The following EIF4ENIF1 variants were observed in gnomAD, a reference collection of about 807,000 sequenced individuals.
EIF4ENIF1 encodes the protein eukaryotic translation initiation factor 4E nuclear import factor 1.
In EIF4ENIF1, 23 loss-of-function variants were observed where a neutral mutation model predicts 110.5. That is an observed-to-expected ratio of 0.21 (90% CI 0.15 to 0.29). The LOEUF (loss-of-function observed/expected upper bound fraction) is 0.29. Among genes scored for constraint, EIF4ENIF1 ranks in the 10% least tolerant of loss-of-function variants. The pLI, the probability that EIF4ENIF1 is intolerant of heterozygous loss-of-function variation, is 1.00. For synonymous variants in EIF4ENIF1, 440 were observed against 437.0 expected (o/e 1.01, Z -0.09); for missense variants, 1,031 against 1,221.1 (o/e 0.84, Z 2.32).
chr22:31,455,721 C>T, intron 8 of EIF4ENIF1, 131 bp downstream of exon 8: 4 of 1,244,774 alleles, frequency 3.2e-6, no homozygotes, highest in Admixed American at 4.6e-5. Flanking sequence ...TAAAAGGACA[C>T]AAATTGAAGG....
intron 16 of EIF4ENIF1, among the ~76,000 whole-genome samples, chr22:31,442,590 G>A (rs544760440): frequency 9.2e-5 from 14 of 152,174 alleles, no homozygotes; most frequent in African/African-American, 3.4e-4. Context: ...TTTCTATGTT[G>A]GACACTTAAG....
chr22:31,441,745 A>G, intron 17 of EIF4ENIF1, 29 bp downstream of exon 17: 1 of 1,573,758 alleles, frequency 6.4e-7, no homozygotes, highest in Non-Finnish European at 8.7e-7. Flanking sequence ...CCACAAACTG[A>G]CGACACCCAA....
chr22:31,478,700 C>T (rs1311826074), intron 2 of EIF4ENIF1, among the ~76,000 whole-genome samples: 1 of 151,634 alleles, frequency 6.6e-6, no homozygotes, highest in African/African-American at 2.4e-5. Flanking sequence ...GCCTGTAATC[C>T]CAGCACTTTG....
Position 31,448,218 on chromosome 22 carries a change from G to T in EIF4ENIF1, c.1783C>A (p.Pro595Thr). ...AATGGATCTCCGAGTAGCTGCTGTGGTCCTGGTGTGAAACCTGTCGGGAAA... is the reference window on the plus strand; with the variant it reads ...AATGGATCTCCGAGTAGCTGCTGTGTTCCTGGTGTGAAACCTGTCGGGAAA... ...IPSPIGFTPG[P>T]QQLLGDPFQG... The change falls in exon 13 of 19, where the codon CCA becomes ACA. Residue 595 changes from proline to threonine, a missense_variant. Pro to Thr is a conservative substitution (Grantham distance 38, BLOSUM62 -1). Coordinates refer to ENST00000330125, the MANE Select transcript of EIF4ENIF1 (RefSeq NM_019843.4). 6.2e-7 allele frequency: 1 copy of T among 1,614,172 alleles called. No homozygotes were observed. Among genetic ancestry groups the T allele is most frequent in the South Asian group, 1.1e-5 (1 of 91,090 alleles).
intron 3 of EIF4ENIF1, among the ~76,000 whole-genome samples, chr22:31,471,126 C>G (rs558629636): frequency 1.3e-5 from 2 of 151,902 alleles, no homozygotes; most frequent in East Asian, 3.9e-4. Flanking sequence ...CAAACCAAAG[C>G]CTTCTTCTTC....
At chr22:31,447,768 C>T (rs764648892) in intron 13 of EIF4ENIF1, among the ~76,000 whole-genome samples, 1 of 152,204 alleles carries the variant, frequency 6.6e-6, no homozygotes, top group Non-Finnish European at 1.5e-5. Flanking sequence ...AATTGTCTAA[C>T]CTTCACTGAG....
intron 2 of EIF4ENIF1, among the ~76,000 whole-genome samples, chr22:31,488,029 CT>C (rs1413918229): frequency 1.1e-4 from 16 of 152,098 alleles, no homozygotes; most frequent in African/African-American, 3.6e-4. Flanking sequence ...GATGCAAGAT[CT>C]TTAATAAATA....
At chr22:31,446,417 G>T (rs1051722271) in intron 14 of EIF4ENIF1, among the ~76,000 whole-genome samples, 1 of 152,078 alleles carries the variant, frequency 6.6e-6, no homozygotes, top group Non-Finnish European at 1.5e-5. Flanking sequence ...TCTCTGTTTC[G>T]GTGGAAGGGT....
chr22:31,459,837 T>C (rs1283916572), intron 6 of EIF4ENIF1, among the ~76,000 whole-genome samples: 1 of 152,218 alleles, frequency 6.6e-6, no homozygotes, highest in Admixed American at 6.5e-5. Context: ...GACCCCTGGA[T>C]TCTACTCCAG....
rs1401064263 is a variant in EIF4ENIF1 at position 31,440,882 on chromosome 22, A to G, written c.2552-14T>C. Reference sequence around the variant, plus strand: ...GAGGAAGCACACCTGTTGAGCAGAAAAAGCAAGCAGCTGAGTAGTCTTAAT... The same window carrying G: ...GAGGAAGCACACCTGTTGAGCAGAAGAAGCAAGCAGCTGAGTAGTCTTAAT... On this transcript the variant is annotated splice_polypyrimidine_tract_variant and intron_variant, in intron 17 of 18. Transcript: ENST00000330125. The G allele has an allele frequency of 2.5e-6, 4 of 1,613,702 alleles. No homozygotes were observed. The highest frequency in any genetic ancestry group is 3.4e-6 in the Non-Finnish European group (4 of 1,179,784).
In EIF4ENIF1 at chr22:31,440,081, G is replaced by C; in HGVS notation, c.2757C>G (p.Val919=). The change falls in exon 19 of 19, where the codon GTC becomes GTG. Residue 919 remains valine, a synonymous_variant. Transcript: ENST00000330125. Reference sequence around the variant, plus strand: ...CGTTCTGAGGGGTTGTCTGAACGCTGACAGCTGCTGCATGGGAACCAGAGC... The same window carrying C: ...CGTTCTGAGGGGTTGTCTGAACGCTCACAGCTGCTGCATGGGAACCAGAGC... ...PPGSGSHAAA[V]SVQTTPQNVP... The C allele has an allele frequency of 6.2e-7, 1 of 1,614,154 alleles. No individual in the cohort carries two copies. Among genetic ancestry groups the C allele is most frequent in the Non-Finnish European group, 8.5e-7 (1 of 1,180,004 alleles).
At chr22:31,478,742 G>A (rs1276749055) in intron 2 of EIF4ENIF1, among the ~76,000 whole-genome samples, 3 of 151,724 alleles carry the variant, frequency 2.0e-5, no homozygotes, top group Non-Finnish European at 4.4e-5. Context: ...ATGAGGTCAG[G>A]AGATCGAGAC....
At chr22:31,455,806 A>G in intron 8 of EIF4ENIF1, 46 bp downstream of exon 8, 1 of 1,610,372 alleles carries the variant, frequency 6.2e-7, no homozygotes, top group Non-Finnish European at 8.5e-7. Context: ...CATATCAGGG[A>G]AAAACCCAGG....
At chr22:31,443,844 G>A (rs2050380072) in intron 15 of EIF4ENIF1, among the ~76,000 whole-genome samples, 1 of 150,396 alleles carries the variant, frequency 6.6e-6, no homozygotes, top group Non-Finnish European at 1.5e-5. Context: ...ACTCACTAGG[G>A]AGGGCAGTGG....
chr22:31,492,959 T>C (rs1187676663), upstream of EIF4ENIF1, among the ~76,000 whole-genome samples: 1 of 151,942 alleles, frequency 6.6e-6, no homozygotes, highest in Non-Finnish European at 1.5e-5. Flanking sequence ...CTCAAACTCC[T>C]GACCTCATGA....
downstream of EIF4ENIF1, among the ~76,000 whole-genome samples, chr22:31,438,257 G>A (rs1352105722): frequency 6.6e-6 from 1 of 152,090 alleles, no homozygotes; most frequent in Non-Finnish European, 1.5e-5. Context: ...CCTCATAGCA[G>A]GACTGAAAAA....
At chr22:31,473,738 A>G (rs1424368553) in intron 2 of EIF4ENIF1, among the ~76,000 whole-genome samples, 7 of 152,156 alleles carry the variant, frequency 4.6e-5, no homozygotes, top group Admixed American at 2.0e-4. Flanking sequence ...TCCTTTATCT[A>G]TGGTGCTAAT....
At chr22:31,481,277 G>A (rs896413071) in intron 2 of EIF4ENIF1, among the ~76,000 whole-genome samples, 6 of 151,610 alleles carry the variant, frequency 4.0e-5, no homozygotes, top group African/African-American at 7.3e-5. Flanking sequence ...ATCCTCCCAC[G>A]TTAGCCTCTT....
At chr22:31,465,562 C>T (rs1333740729) in intron 4 of EIF4ENIF1, among the ~76,000 whole-genome samples, 2 of 152,204 alleles carry the variant, frequency 1.3e-5, no homozygotes, top group Non-Finnish European at 2.9e-5. Flanking sequence ...AACTCTCATA[C>T]ACCACTGGTG....
Sources: allele counts gnomAD v4.1 joint callset (sites outside exome capture counted in the v4.1 genomes callset), GRCh38; gene constraint gnomAD v4.1.1; transcripts MANE v1.5; gene names NCBI Gene and HGNC (gene_info 2026-07-23, HGNC 2026-07-21).